FBXL17: variants seen among roughly 807,000 people sequenced by gnomAD.
FBXL17 encodes F-box and leucine rich repeat protein 17.
In FBXL17, 22 loss-of-function variants were observed where a neutral mutation model predicts 66.2. The observed-to-expected ratio is 0.33, with a 90% confidence interval of 0.24 to 0.47. The LOEUF (loss-of-function observed/expected upper bound fraction) is 0.47, where lower values mean the gene tolerates loss of function less well. FBXL17 is among the 20% of genes least tolerant of loss of function. The probability of loss-of-function intolerance (pLI) is 1.00; values close to 1 mark genes in which losing one functional copy is unlikely to be tolerated. For synonymous variants in FBXL17, 474 were observed against 400.5 expected, an observed-to-expected ratio of 1.18 and a Z score of -2.19; for missense variants, 878 against 948.2, an observed-to-expected ratio of 0.93 and a Z score of 0.97.
At chr5:108,287,578 C>T (rs1464850223) in intron 4 of FBXL17, among the ~76,000 whole-genome samples, 2 of 151,872 alleles carry the variant, frequency 1.3e-5, no homozygotes, top group Non-Finnish European at 2.9e-5. Flanking sequence ...TCATCTCAGC[C>T]CAGTCAGAAT....
At chr5:108,254,749 A>G (rs1278953823) in intron 4 of FBXL17, among the ~76,000 whole-genome samples, 2 of 152,238 alleles carry the variant, frequency 1.3e-5, no homozygotes, top group Non-Finnish European at 2.9e-5. Flanking sequence ...GAGCTAAATA[A>G]TCATGGTAAA....
At chr5:108,232,517 G>A (rs975957804) in intron 4 of FBXL17, among the ~76,000 whole-genome samples, 1 of 151,728 alleles carries the variant, frequency 6.6e-6, no homozygotes, top group Non-Finnish European at 1.5e-5. Flanking sequence ...AGTGGGCTGG[G>A]GAAGGCAGAC....
At position 108,014,940 on chromosome 5, in the gene FBXL17, G is replaced by T. The variant is rs529711548; in HGVS notation, c.1822+5985C>A. ...ACCTCTTATAAAACCATCAGATCTC[G>T]TGAGACTTATTCACTACCGCCACAA... On this transcript the variant is annotated intron_variant, in intron 7 of 8. Transcript: ENST00000542267. Among the ~76,000 whole-genome samples, 675 of 152,214 alleles carry T rather than the reference G, an allele frequency of 4.4e-3. 5 individuals are homozygous for T. The highest frequency in any genetic ancestry group is 0.015 in the African/African-American group (643 of 41,550).
intron 7 of FBXL17, among the ~76,000 whole-genome samples, chr5:107,959,350 T>C (rs1340531612): frequency 6.6e-6 from 1 of 150,464 alleles, no homozygotes; most frequent in Non-Finnish European, 1.5e-5. Flanking sequence ...TTTTGAGTCA[T>C]GGTCATTATT....
intron 6 of FBXL17, among the ~76,000 whole-genome samples, chr5:108,172,309 G>A (rs1318632791): frequency 3.9e-5 from 6 of 152,134 alleles, no homozygotes; most frequent in East Asian, 1.9e-4. Flanking sequence ...GGCCCACAAC[G>A]AAATTTCCAC....
At chr5:108,196,238 A>C (rs1371211337) in intron 5 of FBXL17, among the ~76,000 whole-genome samples, 6 of 151,928 alleles carry the variant, frequency 3.9e-5, no homozygotes, top group Non-Finnish European at 7.4e-5. Flanking sequence ...AAACAAACAA[A>C]AAAAAAACGC....
At chr5:107,917,938 A>G (rs769062219) in intron 7 of FBXL17, among the ~76,000 whole-genome samples, 9 of 152,234 alleles carry the variant, frequency 5.9e-5, no homozygotes, top group Non-Finnish European at 1.2e-4. Context: ...TATTGAATTT[A>G]CCTTCCACTG....
rs1347648374 is a variant in FBXL17 at position 108,346,320 on chromosome 5, G to A, written c.1506+2079C>T. Among the ~76,000 whole-genome samples the A allele has an allele frequency of 2.6e-5, 4 of 151,622 alleles. No individual in the cohort carries two copies. In the South Asian group the frequency reaches 6.2e-4, roughly 24 times the overall value. ...AATTACCTCAAATTTCCAATGAAAT[G>A]AAAATGTTAAATAAAAAAAAATACA... On this transcript the variant is annotated intron_variant, in intron 4 of 8. Coordinates refer to ENST00000542267, the MANE Select transcript of FBXL17 (RefSeq NM_001163315.3).
chr5:108,166,444 T>C (rs1752419521), intron 6 of FBXL17, among the ~76,000 whole-genome samples: 1 of 152,108 alleles, frequency 6.6e-6, no homozygotes, highest in Admixed American at 6.6e-5. Flanking sequence ...GTTTCTAAGC[T>C]CCAAAGTTAA....
At chr5:108,348,292 A>G in intron 4 of FBXL17, 107 bp downstream of exon 4, 1 of 1,030,470 alleles carries the variant, frequency 9.7e-7, no homozygotes, top group Non-Finnish European at 1.4e-6. Flanking sequence ...ATTAAGTAGT[A>G]TTTGAACCAT....
At chr5:108,078,565 A>T (rs1167713573) in intron 6 of FBXL17, among the ~76,000 whole-genome samples, 1 of 152,148 alleles carries the variant, frequency 6.6e-6, no homozygotes, top group African/African-American at 2.4e-5. Flanking sequence ...TCTAGCTGGG[A>T]TCTCGGAAAG....
chr5:108,078,154 C>G (rs531791440), intron 6 of FBXL17, among the ~76,000 whole-genome samples: 1 of 152,160 alleles, frequency 6.6e-6, no homozygotes, highest in Non-Finnish European at 1.5e-5. Flanking sequence ...ATACAGGCCT[C>G]GCCCATCTGC....
chr5:108,247,054 T>C (rs6875152), intron 4 of FBXL17, among the ~76,000 whole-genome samples: 14,192 of 152,218 alleles, frequency 0.093, 930 homozygotes, highest in Middle Eastern at 0.18. Flanking sequence ...TACATAGTAA[T>C]GCACACTTTC....
intron 7 of FBXL17, among the ~76,000 whole-genome samples, chr5:107,951,433 C>T (rs1378663705): frequency 6.6e-6 from 1 of 152,202 alleles, no homozygotes; most frequent in Admixed American, 6.5e-5. Context: ...TCTGGCAGAA[C>T]AGGTGCTTAG....
chr5:107,931,084 C>T (rs760965463), intron 7 of FBXL17, among the ~76,000 whole-genome samples: 31 of 152,028 alleles, frequency 2.0e-4, no homozygotes, highest in Non-Finnish European at 2.9e-4. Context: ...TTGAGCAGAA[C>T]AATAAAACCC....
chr5:108,140,490 C>T (rs986407525), intron 6 of FBXL17, among the ~76,000 whole-genome samples: 1 of 152,216 alleles, frequency 6.6e-6, no homozygotes, highest in East Asian at 1.9e-4. Flanking sequence ...CTTCCTTTGG[C>T]CTCAGGTGAC....
intron 6 of FBXL17, among the ~76,000 whole-genome samples, chr5:108,109,831 G>C (rs1411773468): frequency 4.6e-5 from 7 of 152,108 alleles, no homozygotes; most frequent in Non-Finnish European, 8.8e-5. Context: ...AGACATCTTT[G>C]ATCACAATAC....
intron 7 of FBXL17, among the ~76,000 whole-genome samples, chr5:107,888,705 A>G (rs1749053601): frequency 6.6e-6 from 1 of 152,082 alleles, no homozygotes; most frequent in African/African-American, 2.4e-5. Flanking sequence ...TACTGGTATC[A>G]TTTCTCAATG....
chr5:108,295,890 G>A (rs1758327096), intron 4 of FBXL17, among the ~76,000 whole-genome samples: 1 of 149,060 alleles, frequency 6.7e-6, no homozygotes, highest in African/African-American at 2.5e-5. Context: ...CGACTGTGTA[G>A]CACACAGTAG....
Sources: gnomAD v4.1 joint callset for allele counts (sites outside exome capture counted in the v4.1 genomes callset) on GRCh38, gnomAD v4.1.1 for gene constraint, MANE v1.5 for transcripts, NCBI Gene and HGNC (gene_info 2026-07-23, HGNC 2026-07-21) for gene names.